The following LRBA variants were observed in gnomAD, a reference collection of about 807,000 sequenced individuals.
LRBA encodes lipopolysaccharide-responsive and beige-like anchor protein.
Under a neutral mutation model 330.0 loss-of-function variants are expected in LRBA, and 176 were observed. That is an observed-to-expected ratio of 0.53 (90% CI 0.47 to 0.60). The LOEUF (loss-of-function observed/expected upper bound fraction) is 0.60. Ranked by LOEUF, LRBA falls within the 20% of genes least tolerant of loss-of-function variation. The pLI is 0.00. For missense variants in LRBA, 3,259 were observed against 3,444.8 expected (o/e 0.95, Z 1.35); for synonymous variants, 1,230 against 1,193.0 (o/e 1.03, Z -0.64).
intron 33 of LRBA, among the ~76,000 whole-genome samples, chr4:150,800,512 C>A (rs1277606348): frequency 1.3e-5 from 2 of 152,156 alleles, no homozygotes; most frequent in Non-Finnish European, 2.9e-5. Context: ...CAATGGATGA[C>A]ACTCATCACA....
chr4:150,777,394 A>T (rs942530223), intron 34 of LRBA, among the ~76,000 whole-genome samples: 14 of 150,468 alleles, frequency 9.3e-5, no homozygotes, highest in African/African-American at 2.7e-4. Flanking sequence ...GAAAAAAAAA[A>T]TTTTAAACCT....
intron 42 of LRBA, among the ~76,000 whole-genome samples, chr4:150,478,073 C>T (rs1398969507): frequency 6.6e-6 from 1 of 152,066 alleles, no homozygotes; most frequent in African/African-American, 2.4e-5. Context: ...CCTTACCTAA[C>T]CTTTACATGT....
At chr4:150,802,544 C>G (rs1288068167) in intron 33 of LRBA, among the ~76,000 whole-genome samples, 2 of 151,992 alleles carry the variant, frequency 1.3e-5, no homozygotes, top group African/African-American at 4.8e-5. Flanking sequence ...CTTGTGTTCT[C>G]TTTGTTCTTT....
At chr4:150,610,843 T>C (rs995290178) in intron 37 of LRBA, among the ~76,000 whole-genome samples, 3 of 152,206 alleles carry the variant, frequency 2.0e-5, no homozygotes, top group Non-Finnish European at 2.9e-5. Flanking sequence ...AAGCTACTTA[T>C]ATTGATGATA....
chr4:150,494,510 T>A (rs931063242), intron 40 of LRBA, among the ~76,000 whole-genome samples: 9 of 152,200 alleles, frequency 5.9e-5, no homozygotes, highest in African/African-American at 2.2e-4. Flanking sequence ...TCTAGACTAC[T>A]CCATTTATTA....
At position 150,861,896 on chromosome 4, in the gene LRBA, G is replaced by C. The variant is rs532308065; in HGVS notation, c.2766+5775C>G. Among the ~76,000 whole-genome samples, 8 of 151,872 alleles carry C rather than the reference G, an allele frequency of 5.3e-5. No individual in the cohort carries two copies. The South Asian group carries it at 1.5e-3, about 28-fold the overall frequency. ...CTTGGGAGGCTGAGGCATGAGAATT[G>C]CTTGAACCTGGGAGGTGGAGGTTGC... On this transcript the variant is annotated intron_variant, in intron 22 of 56. Coordinates refer to ENST00000651943, the MANE Select transcript of LRBA (RefSeq NM_001364905.1).
intron 40 of LRBA, among the ~76,000 whole-genome samples, chr4:150,565,973 A>T (rs1504785): frequency 0.45 from 68,581 of 151,578 alleles, 16,098 homozygotes; most frequent in Admixed American, 0.52. Context: ...CACACCTGTA[A>T]TCCCAGCATC....
intron 35 of LRBA, among the ~76,000 whole-genome samples, chr4:150,738,839 T>C (rs1412179641): frequency 6.6e-6 from 1 of 151,024 alleles, no homozygotes; most frequent in African/African-American, 2.4e-5. Flanking sequence ...AACAAATACT[T>C]AGCTCAGAAG....
Position 150,721,224 on chromosome 4 carries a change from G to T in LRBA, c.5754+14034C>A, listed in dbSNP as rs1728886454. ...CCAAACAATAGAAGTAGAAACCCAA[G>T]AAGTTTCTACTTTTCTTTTTCACTT... On this transcript the variant is annotated intron_variant, in intron 36 of 56. Transcript: ENST00000651943. 17 of 447,672 alleles carry T rather than the reference G, an allele frequency of 3.8e-5. No individual in the cohort carries two copies. In the South Asian group the frequency reaches 3.9e-4, roughly 10 times the overall value. 27.7% of individuals were successfully genotyped at this position (447,672 alleles called of 1,614,324 possible). A position where few individuals can be genotyped will look rare whatever the true frequency, so the allele number is the denominator to read the frequency against.
intron 38 of LRBA, among the ~76,000 whole-genome samples, chr4:150,596,891 A>C (rs1773548878): frequency 6.6e-6 from 1 of 151,556 alleles, no homozygotes; most frequent in African/African-American, 2.4e-5. Context: ...AGGTAGGATT[A>C]GAATTTGTGT....
chr4:150,308,770 A>G (rs1730688284), intron 52 of LRBA, among the ~76,000 whole-genome samples: 1 of 152,204 alleles, frequency 6.6e-6, no homozygotes, highest in Non-Finnish European at 1.5e-5. Flanking sequence ...AACCTATACA[A>G]TAAGGATATA....
rs770828059 is a variant in LRBA, at chr4:150,487,773, AG to A, written c.6509del (p.Pro2170LeufsTer19). 6.3e-7 allele frequency: 1 copy of A among 1,599,094 alleles called. No individual in the cohort carries two copies. The highest frequency in any genetic ancestry group is 8.6e-7 in the Non-Finnish European group (1 of 1,169,370). Reference protein sequence around the residue: ...ATVKKVVNYLPRVGVGTSFGL... With the variant: ...ATVKKVVNYLXRVGVGTSFGL... ...CAAAACTTGTTCCAACGCCAACACG[AG>A]GTAGATAGTTAACCACTTTCTTTAC... On this transcript the variant is annotated frameshift_variant, in exon 42 of 57. Coordinates refer to ENST00000651943, the MANE Select transcript of LRBA (RefSeq NM_001364905.1). LOFTEE classifies it high-confidence loss of function.
At chr4:150,985,871 T>G (rs1364887753) in intron 2 of LRBA, among the ~76,000 whole-genome samples, 3 of 152,214 alleles carry the variant, frequency 2.0e-5, no homozygotes, top group Non-Finnish European at 4.4e-5. Context: ...CTAAGAATGA[T>G]AGTTAAAAAT....
At chr4:150,393,600 T>G (rs1744313910) in intron 47 of LRBA, among the ~76,000 whole-genome samples, 1 of 151,790 alleles carries the variant, frequency 6.6e-6, no homozygotes, top group Non-Finnish European at 1.5e-5. Context: ...TCCTCCCACC[T>G]CAGCCTCCCT....
At chr4:150,961,600 A>G (rs1738154977) in intron 2 of LRBA, among the ~76,000 whole-genome samples, 1 of 149,576 alleles carries the variant, frequency 6.7e-6, no homozygotes, top group South Asian at 2.1e-4. Context: ...ATAGAAGAGA[A>G]GCAAGTAGAC....
intron 35 of LRBA, 72 bp from the exon 36 acceptor site, chr4:150,735,438 G>A (rs1731059806): frequency 9.8e-6 from 9 of 919,610 alleles, no homozygotes; most frequent in Non-Finnish European, 7.1e-6. Context: ...CACTGCTTAC[G>A]GTGGAGAGGA....
rs185163731 is a variant in LRBA at position 150,946,097 on chromosome 4, C to T, written c.217-17032G>A. 7.6e-4 allele frequency among the ~76,000 whole-genome samples: 115 copies of T among 152,036 alleles called. 2 individuals carry two copies. The Middle Eastern group carries it at 0.01, about 13-fold the overall frequency. On this transcript the variant is annotated intron_variant, in intron 2 of 56. Transcript: ENST00000651943. ...ATAGGCGTGAGCCACCATGCCCAGCCGGCATATTTCTTATTATAAGAATAA... is the reference window on the plus strand; with the variant it reads ...ATAGGCGTGAGCCACCATGCCCAGCTGGCATATTTCTTATTATAAGAATAA...
chr4:150,444,915 A>C (rs989048377), intron 44 of LRBA, among the ~76,000 whole-genome samples: 1 of 152,216 alleles, frequency 6.6e-6, no homozygotes, highest in Admixed American at 6.5e-5. Context: ...TAATTTTTCT[A>C]CAGGTGTTTA....
intron 2 of LRBA, among the ~76,000 whole-genome samples, chr4:150,963,940 C>T (rs1199211356): frequency 1.3e-5 from 2 of 148,204 alleles, no homozygotes; most frequent in African/African-American, 2.6e-5. Context: ...AAGAGTGCCT[C>T]TGCCCTGCCG....
Sources: gnomAD v4.1 joint callset for allele counts (sites outside exome capture counted in the v4.1 genomes callset) on GRCh38, gnomAD v4.1.1 for gene constraint, MANE v1.5 for transcripts, NCBI Gene and HGNC (gene_info 2026-07-23, HGNC 2026-07-21) for gene names.